Variants in EIF5A observed in about 807,000 individuals in gnomAD.
The protein encoded by EIF5A is eukaryotic translation initiation factor 5A.
A neutral mutation model predicts 16.6 loss-of-function variants in EIF5A; 1 was observed. The observed-to-expected ratio is 0.06, with a 90% confidence interval of 0.02 to 0.28. The LOEUF (loss-of-function observed/expected upper bound fraction) is 0.28, where lower values mean the gene tolerates loss of function less well. EIF5A is among the 10% of genes least tolerant of loss of function. The pLI is 1.00. For missense variants in EIF5A, 29 were observed against 196.1 expected (o/e 0.15, Z 5.09); for synonymous variants, 80 against 73.6 (o/e 1.09, Z -0.44).
rs1171145647 is a variant in EIF5A at position 7,311,569 on chromosome 17, C to T, written c.403-9C>T. ...AGACATCTCTTGGCTATCCCTCTTG[C>T]TTCTCCAGATCACGGTGCTGTCTGC... On this transcript the variant is annotated splice_polypyrimidine_tract_variant and intron_variant, in intron 4 of 5. Coordinates refer to ENST00000336458, the MANE Select transcript of EIF5A (RefSeq NM_001970.5). 1.2e-6 allele frequency: 2 copies of T among 1,614,202 alleles called. No individual in the cohort carries two copies.
At position 7,311,860 on chromosome 17, in the gene EIF5A, G is replaced by A; in HGVS notation, c.*50G>A. ...GCAGCAGTGATCCTCTGAACCTGCA[G>A]AGGCCCCCTCCCCGAGCCTGGCCTG... is the stretch of plus-strand genomic sequence containing the variant. On this transcript the variant is annotated 3_prime_UTR_variant, in exon 6 of 6. Coordinates refer to ENST00000336458, the MANE Select transcript of EIF5A (RefSeq NM_001970.5). The A allele has an allele frequency of 2.9e-6, 2 of 693,398 alleles. No individual in the cohort carries two copies. The highest frequency in any genetic ancestry group is 4.9e-6 in the Non-Finnish European group (2 of 405,604). 43.0% of individuals were successfully genotyped at this position (693,398 alleles called of 1,614,324 possible).
intron 1 of EIF5A, chr17:7,308,510 C>G (rs759247244): frequency 7.4e-7 from 1 of 1,351,368 alleles, no homozygotes; most frequent in East Asian, 4.6e-5. Flanking sequence ...TTAGCGCTTC[C>G]CAACCTCAAG....
At chr17:7,309,869 C>G in intron 2 of EIF5A, 69 bp downstream of exon 2, 2 of 1,614,000 alleles carry the variant, frequency 1.2e-6, no homozygotes, top group Non-Finnish European at 1.7e-6. Flanking sequence ...CAGCAGCAAG[C>G]TGCCAACAGT....
rs2072830188 is a variant in EIF5A, at chr17:7,311,604, G to A, written c.429G>A (p.Glu143=). The change falls in exon 5 of 6, where the codon GAG becomes GAA. Residue 143 remains glutamate, a synonymous_variant. Coordinates refer to ENST00000336458, the MANE Select transcript of EIF5A (RefSeq NM_001970.5). The part of the protein sequence containing the change: ...ILITVLSAMT[E]EAAVAIKAMA... ...TCACGGTGCTGTCTGCCATGACAGA[G>A]GAGGCAGCTGTTGCAATCAAGGCCA... 2 of 1,614,072 alleles carry A rather than the reference G, an allele frequency of 1.2e-6. No individual in the cohort carries two copies. The highest frequency in any genetic ancestry group is 1.7e-5 in the Admixed American group (1 of 60,000).
In EIF5A at chr17:7,309,773, G is replaced by T; in HGVS notation, c.138G>T (p.Ser46=). ...GTAAGATCGTCGAGATGTCTACTTC[G>T]AAGACTGGCAAGCACGGCCACGCCA... ...RPCKIVEMST[S]KTGKHGHAKV... The change falls in exon 2 of 6, where the codon TCG becomes TCT. Residue 46 remains serine (S), a synonymous_variant. Coordinates refer to ENST00000336458, the MANE Select transcript of EIF5A (RefSeq NM_001970.5). 6.2e-7 allele frequency: 1 copy of T among 1,614,202 alleles called. No homozygotes were observed. The highest frequency in any genetic ancestry group is 2.2e-5 in the East Asian group (1 of 44,894).
intron 2 of EIF5A, chr17:7,310,645 C>T (rs2072793371): frequency 3.0e-6 from 3 of 985,380 alleles, no homozygotes; most frequent in Non-Finnish European, 3.6e-6. Context: ...TTCCCTTCTA[C>T]CTTCCTTATT....
At chr17:7,308,158 TGGCGGACGGCCGGGGGGAGGGGA>T in intron 1 of EIF5A, 1 of 84,178 alleles carries the variant, frequency 1.2e-5, no homozygotes, top group Non-Finnish European at 2.0e-5. Context: ...TGGGGGGGGT[TGGCGGACGGCCGGGGGGAGGGGA>T]GGCGGCGTGG....
intron 5 of EIF5A, 66 bp from the exon 6 acceptor site, chr17:7,311,756 T>G (rs1380392055): frequency 2.8e-6 from 4 of 1,407,938 alleles, no homozygotes; most frequent in Non-Finnish European, 3.9e-6. Flanking sequence ...CTAGCCTGGC[T>G]CTGTCCTCCC....
At position 7,312,404 on chromosome 17, in the gene EIF5A, C is replaced by G; in HGVS notation, c.*594C>G. 3.9e-6 allele frequency: 1 copy of G among 254,784 alleles called. No individual in the cohort carries two copies. The highest frequency in any genetic ancestry group is 8.3e-6 in the Non-Finnish European group (1 of 120,250). 15.8% of individuals were successfully genotyped at this position (254,784 alleles called of 1,614,324 possible). ...TTACCCTTCCCTGCGGGCTCTCTCC[C>G]CGACACATTTGTTAAAATCAAACCT... On this transcript the variant is annotated 3_prime_UTR_variant, in exon 6 of 6. Coordinates refer to ENST00000336458, the MANE Select transcript of EIF5A (RefSeq NM_001970.5).
chr17:7,308,001 C>T (rs1381526161), intron 1 of EIF5A: 2 of 984,766 alleles, frequency 2.0e-6, no homozygotes, highest in Non-Finnish European at 2.4e-6. Flanking sequence ...GAGGCAGCCA[C>T]GCGGGAGAGG....
upstream of EIF5A, chr17:7,307,192 C>G (rs949407887): frequency 2.7e-6 from 4 of 1,462,416 alleles, no homozygotes; most frequent in African/African-American, 2.8e-5. Context: ...GACAAGTGAT[C>G]TAGCGGCGTG....
Position 7,311,990 on chromosome 17 carries a change from C to G in EIF5A, c.*180C>G, listed in dbSNP as rs971075598. Reference sequence around the variant, plus strand: ...CTGTCGGGGAGCCCCTGCCCTTCACCTAGCTCCCTTGGCCAGGAGCGAGCG... The same window carrying G: ...CTGTCGGGGAGCCCCTGCCCTTCACGTAGCTCCCTTGGCCAGGAGCGAGCG... On this transcript the variant is annotated 3_prime_UTR_variant, in exon 6 of 6. Transcript: ENST00000336458. 7.8e-6 allele frequency: 3 copies of G among 384,242 alleles called. No individual in the cohort carries two copies. Among genetic ancestry groups the G allele is most frequent in the Non-Finnish European group, 1.5e-5 (3 of 199,544 alleles). 23.8% of individuals were successfully genotyped at this position (384,242 alleles called of 1,614,324 possible).
chr17:7,307,203 G>C, upstream of EIF5A: 1 of 1,427,730 alleles, frequency 7.0e-7, no homozygotes, highest in Non-Finnish European at 9.4e-7. Context: ...TAGCGGCGTG[G>C]TCTTTTCAAC....
chr17:7,310,620 T>A, intron 2 of EIF5A: 1 of 985,422 alleles, frequency 1.0e-6, no homozygotes, highest in Non-Finnish European at 1.2e-6. Flanking sequence ...TTCACATTTC[T>A]TAGTTTCTTA....
In EIF5A at chr17:7,308,547, C is replaced by T. The variant is rs376410535; in HGVS notation, c.-22+795C>T. ...GCCCCAGGAGCTTTCCTGAAAAACC[C>T]TCCTGTGAAGTGTGGCGGTCAGCCA... is the stretch of plus-strand genomic sequence containing the variant. On this transcript the variant is annotated intron_variant, in intron 1 of 5. Coordinates refer to ENST00000336458, the MANE Select transcript of EIF5A (RefSeq NM_001970.5). The T allele has an allele frequency of 2.9e-5, 39 of 1,351,594 alleles. No homozygotes were observed. The African/African-American group carries it at 5.5e-4, about 19-fold the overall frequency. 83.7% of individuals were successfully genotyped at this position (1,351,594 alleles called of 1,614,324 possible).
At chr17:7,309,564 G>C in intron 1 of EIF5A, 51 bp from the exon 2 acceptor site, 4 of 1,605,362 alleles carry the variant, frequency 2.5e-6, no homozygotes, top group Middle Eastern at 1.7e-4. Flanking sequence ...ATAGATTGGA[G>C]GTCCTGTTGA....
upstream of EIF5A, chr17:7,307,481 A>C: frequency 1.0e-6 from 1 of 990,096 alleles, no homozygotes; most frequent in Non-Finnish European, 1.2e-6. Flanking sequence ...TATGCGCGTC[A>C]TTGGACGGGT....
chr17:7,311,225 G>T, intron 3 of EIF5A, 103 bp downstream of exon 3: 1 of 1,576,212 alleles, frequency 6.3e-7, no homozygotes, highest in Middle Eastern at 1.7e-4. Flanking sequence ...AGAGAGGAGG[G>T]AAATGGCAGG....
upstream of EIF5A, chr17:7,307,114 G>A (rs967427442): frequency 3.8e-6 from 6 of 1,596,174 alleles, no homozygotes; most frequent in African/African-American, 6.7e-5. Context: ...TTTCTGAAAC[G>A]TGTGAGTCGT....
Sources: gnomAD v4.1 joint callset for allele counts on GRCh38, gnomAD v4.1.1 for gene constraint, MANE v1.5 for transcripts, NCBI Gene and HGNC (gene_info 2026-07-23, HGNC 2026-07-21) for gene names.